The following EIF4E variants were observed in gnomAD, a reference collection of about 807,000 sequenced individuals.
EIF4E encodes the protein eIF-4F 25 kDa subunit.
For missense variants in EIF4E, 113 were observed against 265.6 expected (o/e 0.43, Z 3.99); for synonymous variants, 71 against 88.5 (o/e 0.80, Z 1.11).
intron 1 of EIF4E, among the ~76,000 whole-genome samples, chr4:98,928,651 G>A (rs1486998168): frequency 6.6e-6 from 1 of 152,072 alleles, no homozygotes; most frequent in African/African-American, 2.4e-5. Context: ...GTTCTGCAGG[G>A]AGGGAAAGGC....
intron 6 of EIF4E, among the ~76,000 whole-genome samples, chr4:98,884,340 G>A (rs1050207587): frequency 6.6e-6 from 1 of 152,132 alleles, no homozygotes; most frequent in African/African-American, 2.4e-5. Flanking sequence ...AATGCTACAT[G>A]CCAAAGGAGA....
intron 1 of EIF4E, among the ~76,000 whole-genome samples, chr4:98,916,916 G>C (rs190781040): frequency 1.5e-3 from 235 of 152,188 alleles, no homozygotes; most frequent in Non-Finnish European, 2.9e-3. Context: ...TCAAATGAAA[G>C]AATCAGGAAC....
chr4:98,927,305 G>A (rs1418186948), intron 1 of EIF4E, among the ~76,000 whole-genome samples: 2 of 152,146 alleles, frequency 1.3e-5, no homozygotes, highest in Non-Finnish European at 2.9e-5. Flanking sequence ...TTACACCAAC[G>A]CAATGAAAAA....
At chr4:98,923,338 T>G (rs963727905) in intron 1 of EIF4E, among the ~76,000 whole-genome samples, 1 of 151,162 alleles carries the variant, frequency 6.6e-6, no homozygotes, top group Non-Finnish European at 1.5e-5. Flanking sequence ...TTTGGTGAGA[T>G]AGGGTCTCTT....
chr4:98,895,980 G>A (rs1276977140), intron 2 of EIF4E, among the ~76,000 whole-genome samples: 1 of 152,076 alleles, frequency 6.6e-6, no homozygotes, highest in Admixed American at 6.5e-5. Flanking sequence ...GGTGGATCAT[G>A]AGGTCAAGAG....
chr4:98,891,208 C>T (rs373708146), intron 3 of EIF4E, 29 bp downstream of exon 3: 1 of 1,609,880 alleles, frequency 6.2e-7, no homozygotes, highest in South Asian at 1.1e-5. Context: ...AATAAAACAA[C>T]AAACATACTA....
chr4:98,927,622 T>G (rs2110232104), intron 1 of EIF4E, among the ~76,000 whole-genome samples: 1 of 113,664 alleles, frequency 8.8e-6, no homozygotes, highest in Non-Finnish European at 1.6e-5. Flanking sequence ...GCCACTGCAC[T>G]CCAGCCTGGG....
intron 1 of EIF4E, among the ~76,000 whole-genome samples, chr4:98,916,357 T>C (rs562543021): frequency 6.8e-6 from 1 of 146,776 alleles, no homozygotes; most frequent in African/African-American, 2.5e-5. Context: ...TCAAAATGAA[T>C]GGAAACTTAA....
In EIF4E at chr4:98,904,444, G is replaced by C. The variant is rs539247818; in HGVS notation, c.19-2462C>G. On this transcript the variant is annotated intron_variant, in intron 1 of 6. Coordinates refer to ENST00000450253, the MANE Select transcript of EIF4E (RefSeq NM_001968.5). ...TTTGAATTAAAATAAAAGTCCCACTGTAAGTAACTGATTACTATAGTCTTC... is the reference window on the plus strand; with the variant it reads ...TTTGAATTAAAATAAAAGTCCCACTCTAAGTAACTGATTACTATAGTCTTC... Among the ~76,000 whole-genome samples, 276 of 98,754 alleles carry C rather than the reference G, an allele frequency of 2.8e-3. 1 individual carries two copies. Among genetic ancestry groups the C allele is most frequent in the Non-Finnish European group, 4.4e-3 (242 of 55,368 alleles). The allele number at this position is 98,754 out of a possible 152,430, so 64.8% of individuals were successfully genotyped here.
chr4:98,907,736 T>A (rs755602993), intron 1 of EIF4E, among the ~76,000 whole-genome samples: 6 of 152,192 alleles, frequency 3.9e-5, no homozygotes, highest in Non-Finnish European at 8.8e-5. Flanking sequence ...GAGAAAACTT[T>A]CAGAGTACCA....
chr4:98,894,352 G>C (rs911226214), intron 2 of EIF4E, among the ~76,000 whole-genome samples: 1 of 152,236 alleles, frequency 6.6e-6, no homozygotes, highest in South Asian at 2.1e-4. Context: ...AGTCCTAGAA[G>C]ATGGCATCTT....
At chr4:98,927,310 G>GA (rs1479105369) in intron 1 of EIF4E, among the ~76,000 whole-genome samples, 1 of 152,154 alleles carries the variant, frequency 6.6e-6, no homozygotes, top group Non-Finnish European at 1.5e-5. Flanking sequence ...CCAACGCAAT[G>GA]AAAAATAAGC....
intron 2 of EIF4E, among the ~76,000 whole-genome samples, chr4:98,901,327 A>T (rs757833095): frequency 2.6e-5 from 4 of 152,186 alleles, no homozygotes; most frequent in Non-Finnish European, 5.9e-5. Context: ...CCTCCCGAGC[A>T]GCTGGGATTA....
chr4:98,913,023 C>A (rs1331555575), intron 1 of EIF4E, among the ~76,000 whole-genome samples: 1 of 151,996 alleles, frequency 6.6e-6, no homozygotes, highest in Non-Finnish European at 1.5e-5. Flanking sequence ...CCTGGTCCAA[C>A]ATGGTGAAAC....
intron 1 of EIF4E, among the ~76,000 whole-genome samples, chr4:98,914,889 C>T (rs777470734): frequency 1.4e-4 from 22 of 152,122 alleles, no homozygotes; most frequent in Non-Finnish European, 2.8e-4. Context: ...GAGTAAGTTA[C>T]GGGAACTGTC....
At chr4:98,884,520 G>A (rs921793952) in intron 6 of EIF4E, among the ~76,000 whole-genome samples, 2 of 151,968 alleles carry the variant, frequency 1.3e-5, no homozygotes, top group African/African-American at 4.8e-5. Flanking sequence ...CCTGGCCAAC[G>A]TGGCAAAACC....
chr4:98,912,393 A>T (rs370680391), intron 1 of EIF4E, among the ~76,000 whole-genome samples: 2 of 152,086 alleles, frequency 1.3e-5, no homozygotes, highest in African/African-American at 4.8e-5. Context: ...TGGCCAACAT[A>T]GTGAAACCCA....
chr4:98,907,238 A>G (rs1217343315), intron 1 of EIF4E, among the ~76,000 whole-genome samples: 1 of 152,228 alleles, frequency 6.6e-6, no homozygotes, highest in Non-Finnish European at 1.5e-5. Context: ...TTAATGCAAT[A>G]TAAAGTCATT....
chr4:98,911,299 C>T (rs565717249), intron 1 of EIF4E, among the ~76,000 whole-genome samples: 3 of 150,830 alleles, frequency 2.0e-5, no homozygotes, highest in Admixed American at 6.6e-5. Context: ...TCACCCGCCT[C>T]GGCCTCCCAA....
Sources: gnomAD v4.1 joint callset for allele counts (sites outside exome capture counted in the v4.1 genomes callset) on GRCh38, gnomAD v4.1.1 for gene constraint, MANE v1.5 for transcripts, NCBI Gene and HGNC (gene_info 2026-07-23, HGNC 2026-07-21) for gene names.